Variants in KMT5B observed in about 807,000 individuals in gnomAD.
KMT5B encodes the protein lysine methyltransferase 5B, also known as histone-lysine N-methyltransferase KMT5B.
KMT5B carries 10 observed loss-of-function variants against 83.2 expected under a neutral mutation model. That is an observed-to-expected ratio of 0.12 (90% CI 0.07 to 0.20). KMT5B has a LOEUF of 0.20. KMT5B is among the 10% of genes least tolerant of loss of function. The pLI is 1.00. For synonymous variants in KMT5B, 349 were observed against 388.8 expected (o/e 0.90, Z 1.20); for missense variants, 753 against 1,067.2 (o/e 0.71, Z 4.10).
chr11:68,188,909 C>T (rs182913000), intron 2 of KMT5B, among the ~76,000 whole-genome samples: 11 of 152,254 alleles, frequency 7.2e-5, no homozygotes, highest in Non-Finnish European at 1.0e-4. Context: ...GGTGTCCATG[C>T]AGAGGACCAC....
At chr11:68,166,557 A>C (rs1305174615) in intron 10 of KMT5B, 1 of 1,009,910 alleles carries the variant, frequency 9.9e-7, no homozygotes, top group Non-Finnish European at 1.2e-6. Flanking sequence ...TAAGGCCAGA[A>C]GCTATGAATT....
chr11:68,190,348 C>G (rs1857896866), intron 1 of KMT5B, among the ~76,000 whole-genome samples, 196 bp from the exon 2 acceptor site: 1 of 152,188 alleles, frequency 6.6e-6, no homozygotes, highest in Non-Finnish European at 1.5e-5. Context: ...ACATACACTT[C>G]ATAAAATTCG....
In KMT5B at chr11:68,158,043, G is replaced by A. The variant is rs759629971; in HGVS notation, c.2303C>T (p.Ser768Leu). The change falls in exon 11 of 11, where the codon TCA (serine) becomes TTA (leucine). Residue 768 changes from serine to leucine, a missense_variant. Around this residue, in one of 9 missense-constraint regions of KMT5B, gnomAD observed 161 missense variants for 195.1 expected, o/e 0.83. Coordinates refer to ENST00000304363, the MANE Select transcript of KMT5B (RefSeq NM_017635.5). ...YVAKLNNGFN[S>L]GSGSSSTKLK... ...TTTTGTAGAACTACTGCCTGATCCT[G>A]AGTTAAATCCATTATTAAGCTTTGC... 4.3e-6 allele frequency: 7 copies of A among 1,614,014 alleles called. No individual in the cohort carries two copies. The highest frequency in any genetic ancestry group is 4.2e-6 in the Non-Finnish European group (5 of 1,180,048).
At chr11:68,168,026 A>T (rs973730526) in intron 9 of KMT5B, among the ~76,000 whole-genome samples, 3 of 152,132 alleles carry the variant, frequency 2.0e-5, no homozygotes, top group Non-Finnish European at 2.9e-5. Context: ...ACAAAAAAAA[A>T]TTAGCCCGGC....
At chr11:68,192,618 C>T (rs761309935) in intron 1 of KMT5B, among the ~76,000 whole-genome samples, 1 of 152,164 alleles carries the variant, frequency 6.6e-6, no homozygotes, top group Non-Finnish European at 1.5e-5. Context: ...TTATTTATCT[C>T]TTTGTTCCAA....
At chr11:68,186,074 G>A (rs1293974474) in intron 2 of KMT5B, 146 bp from the exon 3 acceptor site, 3 of 716,646 alleles carry the variant, frequency 4.2e-6, no homozygotes, top group Non-Finnish European at 6.6e-6. Flanking sequence ...AATAACCTTT[G>A]CATAAGACAG....
intron 1 of KMT5B, among the ~76,000 whole-genome samples, chr11:68,202,202 CAGTG>C (rs1859523205): frequency 6.6e-6 from 1 of 152,200 alleles, no homozygotes; most frequent in African/African-American, 2.4e-5. Flanking sequence ...CACTGGTTAA[CAGTG>C]AGTGAGATTA....
intron 1 of KMT5B, among the ~76,000 whole-genome samples, chr11:68,198,061 G>T (rs929435075): frequency 6.6e-6 from 1 of 152,148 alleles, no homozygotes; most frequent in Admixed American, 6.5e-5. Context: ...TAAAGGTAGC[G>T]ATGGGATTTT....
intron 10 of KMT5B, among the ~76,000 whole-genome samples, chr11:68,164,321 CAT>C (rs1212227930): frequency 2.6e-5 from 4 of 152,204 alleles, no homozygotes; most frequent in African/African-American, 7.2e-5. Context: ...AAACGAACCA[CAT>C]GATAAAGATG....
At chr11:68,190,507 G>C (rs1430495310) in intron 1 of KMT5B, among the ~76,000 whole-genome samples, 1 of 152,202 alleles carries the variant, frequency 6.6e-6, no homozygotes, top group Non-Finnish European at 1.5e-5. Flanking sequence ...GGAGATGACA[G>C]CTCCATGCAT....
At chr11:68,209,902 T>C (rs1005379426) in intron 1 of KMT5B, among the ~76,000 whole-genome samples, 1 of 151,718 alleles carries the variant, frequency 6.6e-6, no homozygotes, top group African/African-American at 2.4e-5. Context: ...AGTCTTGCTC[T>C]GTCGCCCAGG....
At chr11:68,189,779 G>C (rs1443488051) in intron 2 of KMT5B, 138 bp downstream of exon 2, 2 of 750,604 alleles carry the variant, frequency 2.7e-6, no homozygotes, top group Non-Finnish European at 4.1e-6. Context: ...AACTTTGAGA[G>C]TAAAAAGACT....
rs1026592610 is a variant in KMT5B, at chr11:68,184,997, A to G, written c.308+784T>C. On this transcript the variant is annotated intron_variant, in intron 3 of 10. Transcript: ENST00000304363. Reference sequence around the variant, plus strand: ...TACTGAATATAAACATGTCTTTAAAACTATTCGCTCTTAAATAATTAGCTG... The same window carrying G: ...TACTGAATATAAACATGTCTTTAAAGCTATTCGCTCTTAAATAATTAGCTG... Among the ~76,000 whole-genome samples, 6 of 152,310 alleles carry G rather than the reference A, an allele frequency of 3.9e-5. No individual in the cohort carries two copies. In the East Asian group the frequency reaches 1.2e-3, roughly 29 times the overall value.
Position 68,173,794 on chromosome 11 carries a change from G to C in KMT5B, c.653+10C>G. 1.4e-6 allele frequency: 2 copies of C among 1,468,422 alleles called. No individual in the cohort carries two copies. The highest frequency in any genetic ancestry group is 2.3e-5 in the East Asian group (1 of 44,170). 91.0% of individuals were successfully genotyped at this position (1,468,422 alleles called of 1,614,324 possible). A position where few individuals can be genotyped will look rare whatever the true frequency, so the allele number is the denominator to read the frequency against. ...ATTAAATTAAAGGCTTATACTAGTA[G>C]AATAGTTACCACTCTTTTGTTGCAA... On this transcript the variant is annotated intron_variant, in intron 6 of 10. Transcript: ENST00000304363.
chr11:68,191,762 A>G (rs1858103566), intron 1 of KMT5B, among the ~76,000 whole-genome samples: 1 of 152,236 alleles, frequency 6.6e-6, no homozygotes, highest in African/African-American at 2.4e-5. Context: ...TAATTATTGA[A>G]GAAACATTTC....
intron 3 of KMT5B, among the ~76,000 whole-genome samples, chr11:68,181,101 G>C (rs1446626791): frequency 6.8e-6 from 1 of 147,714 alleles, no homozygotes; most frequent in Non-Finnish European, 1.5e-5. Flanking sequence ...TGGAGATAGA[G>C]TCTCACTCTG....
intron 6 of KMT5B, among the ~76,000 whole-genome samples, chr11:68,172,447 G>T (rs994610994): frequency 6.6e-5 from 10 of 151,576 alleles, no homozygotes; most frequent in African/African-American, 2.2e-4. Flanking sequence ...GTGTTGGCCA[G>T]GATGGTCTCG....
At chr11:68,187,349 G>A (rs1238810053) in intron 2 of KMT5B, among the ~76,000 whole-genome samples, 1 of 152,172 alleles carries the variant, frequency 6.6e-6, no homozygotes. Flanking sequence ...CTAAACCACC[G>A]CTTTGGCTGC....
At chr11:68,206,208 A>C (rs182518845) in intron 1 of KMT5B, among the ~76,000 whole-genome samples, 5 of 152,346 alleles carry the variant, frequency 3.3e-5, no homozygotes, top group Admixed American at 3.3e-4. Flanking sequence ...CATTTGATCC[A>C]TCTGCTTACC....
Sources: allele counts gnomAD v4.1 joint callset (sites outside exome capture counted in the v4.1 genomes callset), GRCh38; gene constraint gnomAD v4.1.1; regional missense constraint gnomAD v4.1.1; transcripts MANE v1.5; gene names NCBI Gene and HGNC (gene_info 2026-07-23, HGNC 2026-07-21).